Variants in TRAF3IP2 observed in about 807,000 individuals in gnomAD.
The protein encoded by TRAF3IP2 is E3 ubiquitin ligase TRAF3IP2.
Under a neutral mutation model 57.9 loss-of-function variants are expected in TRAF3IP2, and 35 were observed. That is an observed-to-expected ratio of 0.60 (90% CI 0.46 to 0.80). The LOEUF (loss-of-function observed/expected upper bound fraction) is 0.80, where lower values mean the gene tolerates loss of function less well. TRAF3IP2 is among the 30% of genes least tolerant of loss of function. The pLI is 0.00. For missense variants in TRAF3IP2, 556 were observed against 706.4 expected, an observed-to-expected ratio of 0.79 and a Z score of 2.41; for synonymous variants, 251 against 268.9, an observed-to-expected ratio of 0.93 and a Z score of 0.65.
chr6:111,572,233 GGGA>G (rs1795853564), intron 5 of TRAF3IP2, among the ~76,000 whole-genome samples: 1 of 152,140 alleles, frequency 6.6e-6, no homozygotes. Context: ...ACTGTGTCAA[GGGA>G]CTGCAGGGGG....
intron 8 of TRAF3IP2, among the ~76,000 whole-genome samples, chr6:111,562,663 G>A (rs538967674): frequency 1.3e-5 from 2 of 152,104 alleles, no homozygotes; most frequent in African/African-American, 4.8e-5. Context: ...GGCCAACATG[G>A]TGAAACCCCA....
rs1198459809 is a variant in TRAF3IP2 at position 111,591,518 on chromosome 6, A to G, written c.569T>C (p.Leu190Pro). The change falls in exon 2 of 9, where the codon CTG becomes CCG. Residue 190 changes from leucine to proline, a missense_variant. Leu to Pro is a moderately conservative substitution (Grantham distance 98, BLOSUM62 -3). This residue lies in a region of TRAF3IP2 where 428 missense variants were observed against 498.7 expected (regional missense o/e 0.86). Coordinates refer to ENST00000368761, the MANE Select transcript of TRAF3IP2 (RefSeq NM_147686.4). The surrounding 1 kb of genome is among the most constrained non-coding windows in gnomAD (Gnocchi z 4.9). ...RPQPHRNRAG[L>P]DLPTIDTGYD... ...TCCCGTGTCTATGGTTGGCAGATCC[A>G]GGCCTGCTCGGTTCCTGTGAGGCTG... 6.2e-7 allele frequency: 1 copy of G among 1,613,834 alleles called. No individual in the cohort carries two copies. Among genetic ancestry groups the G allele is most frequent in the Non-Finnish European group, 8.5e-7 (1 of 1,179,738 alleles).
chr6:111,575,480 C>T (rs896144447), intron 4 of TRAF3IP2, among the ~76,000 whole-genome samples, 163 bp downstream of exon 4: 6 of 150,458 alleles, frequency 4.0e-5, no homozygotes, highest in Non-Finnish European at 7.4e-5. Context: ...CCCAGCTACT[C>T]GGGAGGCTGA....
At chr6:111,569,812 A>T (rs545016677) in intron 5 of TRAF3IP2, among the ~76,000 whole-genome samples, 13 of 152,296 alleles carry the variant, frequency 8.5e-5, no homozygotes, top group Non-Finnish European at 1.3e-4. Context: ...AGCACTCTAA[A>T]TTATTCCCAG....
Position 111,594,800 on chromosome 6 carries a change from A to G in TRAF3IP2, c.-8-2706T>C, listed in dbSNP as rs1299046280. Among the ~76,000 whole-genome samples the G allele has an allele frequency of 3.3e-5, 5 of 152,252 alleles. No individual in the cohort carries two copies. In the East Asian group the frequency reaches 9.6e-4, roughly 29 times the overall value. ...TGCGGTGGCGTGAGCCTGTAGTCCC[A>G]GCTACTTGGGAGGCTGAGGTGAGAG... On this transcript the variant is annotated intron_variant, in intron 1 of 8. Coordinates refer to ENST00000368761, the MANE Select transcript of TRAF3IP2 (RefSeq NM_147686.4).
chr6:111,591,291 G>A lies in TRAF3IP2; in HGVS notation c.796C>T (p.His266Tyr). The change falls in exon 2 of 9, where the codon CAT (histidine) becomes TAT (tyrosine). Residue 266 changes from histidine to tyrosine, a missense_variant. Physicochemically the swap from His to Tyr is moderately conservative, Grantham distance 83. Around this residue, in one of 2 missense-constraint regions of TRAF3IP2, gnomAD observed 428 missense variants for 498.7 expected, o/e 0.86. Coordinates refer to ENST00000368761, the MANE Select transcript of TRAF3IP2 (RefSeq NM_147686.4). The surrounding 1 kb of genome is among the most constrained non-coding windows in gnomAD (Gnocchi z 4.9). ...SPHAPWNYHY[H>Y]CPGSPDHQVP... ...TGGTGATCGGGACTTCCAGGACAAT[G>A]GTAATGATAGTTCCATGGAGCATGT... 4.6e-6 allele frequency: 7 copies of A among 1,505,504 alleles called. No homozygotes were observed. Among genetic ancestry groups the A allele is most frequent in the Non-Finnish European group, 6.2e-6 (7 of 1,126,940 alleles). 93.3% of individuals were successfully genotyped at this position (1,505,504 alleles called of 1,614,324 possible).
rs915200797 is a variant in TRAF3IP2 at position 111,598,337 on chromosome 6, T to A, written c.-8-6243A>T. The A allele has an allele frequency of 2.4e-4, 39 of 165,660 alleles. 1 individual carries two copies. The South Asian group carries it at 2.4e-3, about 10-fold the overall frequency. The allele number at this position is 165,660 out of a possible 1,614,324, so 10.3% of individuals were successfully genotyped here. A position where few individuals can be genotyped will look rare whatever the true frequency, so the allele number is the denominator to read the frequency against. On this transcript the variant is annotated intron_variant, in intron 1 of 8. Transcript: ENST00000368761. ...ACCTAGTAATTTCACTTCTAAGAAT[T>A]TCCCCTGCAGAGATATGTATATCTT...
chr6:111,602,346 G>C, intron 1 of TRAF3IP2: 1 of 131,860 alleles, frequency 7.6e-6, no homozygotes, highest in Admixed American at 7.5e-5. Context: ...TTTGGTTTTT[G>C]TTTTTTTGTT....
chr6:111,585,400 C>T (rs1796296727), intron 2 of TRAF3IP2, among the ~76,000 whole-genome samples: 1 of 152,032 alleles, frequency 6.6e-6, no homozygotes, highest in Non-Finnish European at 1.5e-5. Flanking sequence ...TTAAGGCTCA[C>T]TCCTTTCCCC....
In TRAF3IP2 at chr6:111,568,432, AGTGTGTGTGTGTGTGTGTGTGTGT is replaced by A. The variant is rs58088162; in HGVS notation, c.1291-764_1291-741del. 8.2e-5 allele frequency among the ~76,000 whole-genome samples: 12 copies of A among 146,830 alleles called. No individual in the cohort carries two copies. The South Asian group carries it at 1.3e-3, about 16-fold the overall frequency. On this transcript the variant is annotated intron_variant, in intron 5 of 8. Transcript: ENST00000368761. ...TCTTGGGCTCAGGCTTATACTGCAG[AGTGTGTGTGTGTGTGTGTGTGTGT>A]GTGTGTGTGTGTGTGTGTGTGTGTG...
At chr6:111,572,704 A>T in intron 5 of TRAF3IP2, 191 bp downstream of exon 5, 2 of 591,382 alleles carry the variant, frequency 3.4e-6, no homozygotes, top group Non-Finnish European at 5.9e-6. Flanking sequence ...CAGGAAAAAA[A>T]TGCTGGAGAC....
chr6:111,600,949 A>T, intron 1 of TRAF3IP2: 1 of 375,738 alleles, frequency 2.7e-6, no homozygotes, highest in South Asian at 6.6e-5. Context: ...CTATTGTCAG[A>T]CTCATTTTAC....
At chr6:111,561,363 C>A (rs1326467457) in intron 8 of TRAF3IP2, among the ~76,000 whole-genome samples, 1 of 151,988 alleles carries the variant, frequency 6.6e-6, no homozygotes, top group East Asian at 1.9e-4. Flanking sequence ...TCGCTTGAAC[C>A]CTGGAGGCAG....
intron 1 of TRAF3IP2, among the ~76,000 whole-genome samples, chr6:111,595,591 A>C (rs1796656278): frequency 6.6e-6 from 1 of 152,130 alleles, no homozygotes; most frequent in Non-Finnish European, 1.5e-5. Flanking sequence ...GCACTTTGGG[A>C]GGCCAAGGCG....
At chr6:111,571,914 C>CA (rs558813082) in intron 5 of TRAF3IP2, among the ~76,000 whole-genome samples, 4,647 of 115,848 alleles carry the variant, frequency 0.04, 108 homozygotes, top group Admixed American at 0.072. Context: ...GACTCTGTCT[C>CA]AAAAAAAAAA....
intron 8 of TRAF3IP2, among the ~76,000 whole-genome samples, chr6:111,561,224 G>A (rs916325713): frequency 6.7e-6 from 1 of 149,948 alleles, no homozygotes; most frequent in Non-Finnish European, 1.5e-5. Context: ...GGTGGATCAC[G>A]AGGTCAAGAG....
At chr6:111,560,203 G>T (rs1439970281) in intron 8 of TRAF3IP2, among the ~76,000 whole-genome samples, 1 of 152,174 alleles carries the variant, frequency 6.6e-6, no homozygotes, top group Non-Finnish European at 1.5e-5. Context: ...TTTTAAACGG[G>T]GTGCTTAGGA....
intron 8 of TRAF3IP2, among the ~76,000 whole-genome samples, 153 bp downstream of exon 8, chr6:111,562,812 T>A (rs1795494857): frequency 2.1e-5 from 3 of 145,092 alleles, no homozygotes; most frequent in African/African-American, 5.3e-5. Context: ...GCCATTGCAC[T>A]CCAGGCTGGG....
At chr6:111,589,539 A>T (rs755185123) in intron 2 of TRAF3IP2, among the ~76,000 whole-genome samples, 5 of 152,132 alleles carry the variant, frequency 3.3e-5, no homozygotes, top group Admixed American at 2.6e-4. Flanking sequence ...CACCCACCCT[A>T]TGACTGGGCG....
Sources: allele counts gnomAD v4.1 joint callset (sites outside exome capture counted in the v4.1 genomes callset), GRCh38; gene constraint gnomAD v4.1.1; regional missense constraint gnomAD v4.1.1; non-coding constraint Gnocchi (gnomAD v3.1); transcripts MANE v1.5; gene names NCBI Gene and HGNC (gene_info 2026-07-23, HGNC 2026-07-21).